TSHZ3: variants seen among roughly 807,000 people sequenced by gnomAD.
The protein encoded by TSHZ3 is teashirt homolog 3.
In TSHZ3, 10 loss-of-function variants were observed where a neutral mutation model predicts 64.5. That is an observed-to-expected ratio of 0.16 (90% confidence interval 0.10 to 0.26). The LOEUF (loss-of-function observed/expected upper bound fraction) is 0.26. Ranked by LOEUF, TSHZ3 falls within the 10% of genes least tolerant of loss-of-function variation. TSHZ3 has a pLI of 1.00. For synonymous variants in TSHZ3, 608 were observed against 593.1 expected (o/e 1.03, Z -0.36); for missense variants, 1,242 against 1,421.7 (o/e 0.87, Z 2.03).
At chr19:31,247,861 T>C (rs1018661326) in intron 1 of TSHZ3, among the ~76,000 whole-genome samples, 1 of 152,010 alleles carries the variant, frequency 6.6e-6, no homozygotes, top group African/African-American at 2.4e-5. Flanking sequence ...TTACAGTGTG[T>C]GTGTGTGTGT....
At chr19:31,309,228 C>G (rs1916385722) in intron 1 of TSHZ3, among the ~76,000 whole-genome samples, 1 of 152,174 alleles carries the variant, frequency 6.6e-6, no homozygotes, top group African/African-American at 2.4e-5. Context: ...CTGCCATTTA[C>G]CCACAGGATA....
intron 4 of TSHZ3, among the ~76,000 whole-genome samples, chr19:31,216,779 T>G (rs1440312780): frequency 6.6e-6 from 1 of 152,028 alleles, no homozygotes; most frequent in Non-Finnish European, 1.5e-5. Context: ...GGACCACAGG[T>G]GCCCGCCACC....
intron 1 of TSHZ3, among the ~76,000 whole-genome samples, chr19:31,264,453 A>C (rs1976022648): frequency 6.6e-6 from 1 of 152,198 alleles, no homozygotes; most frequent in Non-Finnish European, 1.5e-5. Flanking sequence ...CTCCCTTGTC[A>C]AATGAACTAC....
chr19:31,226,319 A>G (rs115035529), intron 4 of TSHZ3, among the ~76,000 whole-genome samples: 2,064 of 152,228 alleles, frequency 0.014, 44 homozygotes, highest in African/African-American at 0.046. Flanking sequence ...GGAGGGAACC[A>G]GTAGGAGATA....
At chr19:31,173,179 G>C (rs1385381234) in intron 5 of TSHZ3, among the ~76,000 whole-genome samples, 3 of 152,196 alleles carry the variant, frequency 2.0e-5, no homozygotes, top group Non-Finnish European at 4.4e-5. Context: ...CAAGCTGGTA[G>C]CAGCAGTTGT....
chr19:31,208,713 T>C (rs1975220393), intron 4 of TSHZ3, among the ~76,000 whole-genome samples: 1 of 152,198 alleles, frequency 6.6e-6, no homozygotes, highest in African/African-American at 2.4e-5. Context: ...GAAGACATGG[T>C]TTACCACAAG....
chr19:31,192,259 G>A (rs1224132188), intron 5 of TSHZ3, among the ~76,000 whole-genome samples: 1 of 152,204 alleles, frequency 6.6e-6, no homozygotes, highest in East Asian at 1.9e-4. Flanking sequence ...GGCACATTTA[G>A]AAGAAGAATA....
chr19:31,166,891 C>A (rs1197644083), intron 5 of TSHZ3, among the ~76,000 whole-genome samples: 1 of 152,142 alleles, frequency 6.6e-6, no homozygotes, highest in Non-Finnish European at 1.5e-5. Context: ...CAAAGCCTGG[C>A]AAAGGTAGAT....
chr19:31,176,081 T>C (rs1175455515), intron 5 of TSHZ3, among the ~76,000 whole-genome samples: 2 of 151,976 alleles, frequency 1.3e-5, no homozygotes, highest in Non-Finnish European at 2.9e-5. Flanking sequence ...CCCTCTGGGG[T>C]TGGGGGCACC....
chr19:31,300,580 C>G (rs1976737618), intron 1 of TSHZ3, among the ~76,000 whole-genome samples: 1 of 152,130 alleles, frequency 6.6e-6, no homozygotes, highest in Non-Finnish European at 1.5e-5. Flanking sequence ...TGGCCCAGGT[C>G]CAGGCCTCTC....
At chr19:31,241,343 T>C (rs911199790) in intron 3 of TSHZ3, among the ~76,000 whole-genome samples, 7 of 152,226 alleles carry the variant, frequency 4.6e-5, no homozygotes, top group African/African-American at 7.2e-5. Context: ...ATAGTTCTTA[T>C]ACCTTAGACA....
At chr19:31,344,186 G>GACACAC (rs955678886) in intron 1 of TSHZ3, among the ~76,000 whole-genome samples, 21 of 152,060 alleles carry the variant, frequency 1.4e-4, no homozygotes, top group African/African-American at 4.8e-4. Context: ...CACAGACACA[G>GACACAC]ACACACACAC....
chr19:31,349,540 A>T, upstream of TSHZ3: 1 of 258,724 alleles, frequency 3.9e-6, no homozygotes, highest in Non-Finnish European at 7.1e-6. Context: ...TGCCGGCGGA[A>T]TGGGAAGTTT....
intron 1 of TSHZ3, among the ~76,000 whole-genome samples, chr19:31,329,030 C>A (rs1239159832): frequency 6.6e-6 from 1 of 152,158 alleles, no homozygotes; most frequent in African/African-American, 2.4e-5. Context: ...CCTTAAACTT[C>A]AAAGAGCCAC....
rs532135340 is a variant in TSHZ3 at position 31,222,008 on chromosome 19, G to C, written n.686+5997C>G. 8.7e-4 allele frequency among the ~76,000 whole-genome samples: 133 copies of C among 152,280 alleles called. No homozygotes were observed. In the South Asian group the frequency reaches 0.012, roughly 14 times the overall value. ...GGTCAGGAAGTGGTTGGAGCTCATG[G>C]TCCCCTGACAGTGTACGTGGTTGAG... On this transcript the variant is annotated intron_variant and non_coding_transcript_variant, in intron 4 of 6. Coordinates refer to the TSHZ3 transcript ENST00000651361.
intron 5 of TSHZ3, among the ~76,000 whole-genome samples, chr19:31,161,220 A>G (rs1472051543): frequency 2.0e-5 from 3 of 152,164 alleles, no homozygotes; most frequent in African/African-American, 7.2e-5. Flanking sequence ...TATTTTGGTG[A>G]GCCTAGATTC....
intron 5 of TSHZ3, among the ~76,000 whole-genome samples, chr19:31,194,007 T>C (rs1439227649): frequency 6.6e-6 from 1 of 152,092 alleles, no homozygotes. Flanking sequence ...CAAAGGGAAG[T>C]GAGTTCACAG....
intron 1 of TSHZ3, among the ~76,000 whole-genome samples, chr19:31,258,846 A>G (rs1770501135): frequency 6.6e-6 from 1 of 152,182 alleles, no homozygotes; most frequent in Non-Finnish European, 1.5e-5. Context: ...GGCTTCCCAA[A>G]GCTGCTGTTC....
intron 1 of TSHZ3, among the ~76,000 whole-genome samples, chr19:31,340,970 T>C (rs1917416156): frequency 6.6e-6 from 1 of 152,218 alleles, no homozygotes; most frequent in African/African-American, 2.4e-5. Flanking sequence ...TTTTTCTTCC[T>C]CCAAAGAGAC....
Sources: allele counts gnomAD v4.1 joint callset (sites outside exome capture counted in the v4.1 genomes callset), GRCh38; gene constraint gnomAD v4.1.1; transcripts MANE v1.5; gene names NCBI Gene and HGNC (gene_info 2026-07-23, HGNC 2026-07-21).